The following SRRM4 variants were observed in gnomAD, a reference collection of about 807,000 sequenced individuals.
The protein encoded by SRRM4 is serine/arginine repetitive matrix 4.
SRRM4 carries 33 observed loss-of-function variants against 68.9 expected under a neutral mutation model. The ratio of observed to expected loss-of-function variants is 0.48; its 90% CI spans 0.36 to 0.64. The LOEUF is 0.64. Ranked by LOEUF, SRRM4 falls within the 30% of genes least tolerant of loss-of-function variation. The pLI is 0.00. For synonymous variants in SRRM4, 318 were observed against 318.8 expected, an observed-to-expected ratio of 1.00 and a Z score of 0.03; for missense variants, 817 against 827.1, an observed-to-expected ratio of 0.99 and a Z score of 0.15.
chr12:119,019,935 A>G, intron 1 of SRRM4, among the ~76,000 whole-genome samples: 1 of 136,122 alleles, frequency 7.3e-6, no homozygotes. Flanking sequence ...AAAGCTCTGG[A>G]CAGTTCCCCC....
Position 119,149,241 on chromosome 12 carries a change from G to A in SRRM4, c.1077-1776G>A, listed in dbSNP as rs1047393537. On this transcript the variant is annotated intron_variant, in intron 9 of 12. Transcript: ENST00000267260. The stretch of plus-strand genomic sequence containing the variant: ...TGCGCACCTGCAGTCCCAGCCACTC[G>A]GGAGGCTGAGGCAGGAGAATCGCTT... Among the ~76,000 whole-genome samples the A allele has an allele frequency of 3.3e-5, 5 of 152,304 alleles. No individual in the cohort carries two copies. In the South Asian group the frequency reaches 6.2e-4, roughly 19 times the overall value.
intron 2 of SRRM4, among the ~76,000 whole-genome samples, chr12:119,104,308 T>C (rs1410572718): frequency 1.3e-5 from 2 of 152,076 alleles, no homozygotes; most frequent in African/African-American, 2.4e-5. Context: ...AATGATGCCA[T>C]GTCATACAGC....
At chr12:119,033,878 G>C (rs1384395531) in intron 1 of SRRM4, among the ~76,000 whole-genome samples, 2 of 152,092 alleles carry the variant, frequency 1.3e-5, no homozygotes, top group African/African-American at 2.4e-5. Context: ...GTTCAAAGTT[G>C]GCTACAGTTA....
intron 8 of SRRM4, among the ~76,000 whole-genome samples, chr12:119,141,429 T>G (rs565266134): frequency 1.6e-4 from 24 of 152,116 alleles, no homozygotes; most frequent in African/African-American, 5.8e-4. Flanking sequence ...ATTCTAGAGG[T>G]TCTCTCGAGC....
rs116929137 is a variant in SRRM4 at position 119,002,459 on chromosome 12, C to A, written c.131+20446C>A. On this transcript the variant is annotated intron_variant, in intron 1 of 12. Transcript: ENST00000267260. ...AGTGAGGGTATGGGATGGATTCATTCTCTCCAAATTCTTGAGGATTCTGAG... is the reference window on the plus strand; with the variant it reads ...AGTGAGGGTATGGGATGGATTCATTATCTCCAAATTCTTGAGGATTCTGAG... Among the ~76,000 whole-genome samples, 30 of 152,256 alleles carry A rather than the reference C, an allele frequency of 2.0e-4. No individual in the cohort carries two copies. In the East Asian group the frequency reaches 5.4e-3, roughly 27 times the overall value.
intron 6 of SRRM4, among the ~76,000 whole-genome samples, chr12:119,123,200 C>T (rs4269977): frequency 0.18 from 26,636 of 152,176 alleles, 2,915 homozygotes; most frequent in South Asian, 0.35. Context: ...CTGCCCCAAA[C>T]GGTCTTTTCA....
intron 8 of SRRM4, among the ~76,000 whole-genome samples, chr12:119,144,383 C>T (rs902350005): frequency 6.6e-6 from 1 of 152,170 alleles, no homozygotes; most frequent in African/African-American, 2.4e-5. Context: ...ATGCCCCCAC[C>T]CGTCAAGGGC....
chr12:119,155,339 A>G (rs11064686), intron 12 of SRRM4, among the ~76,000 whole-genome samples: 4,282 of 152,320 alleles, frequency 0.028, 79 homozygotes, highest in Middle Eastern at 0.048. Flanking sequence ...CAGTCCAGAC[A>G]CTGGACTGAG....
intron 1 of SRRM4, among the ~76,000 whole-genome samples, chr12:119,011,400 G>T (rs1953448743): frequency 6.6e-6 from 1 of 152,142 alleles, no homozygotes; most frequent in Non-Finnish European, 1.5e-5. Context: ...CTACCCACTA[G>T]ATGTCATTAG....
At chr12:119,096,187 ATTT>A (rs749042616) in intron 1 of SRRM4, among the ~76,000 whole-genome samples, 10,325 of 134,282 alleles carry the variant, frequency 0.077, 419 homozygotes, top group Admixed American at 0.1. Flanking sequence ...CGCCCAGCTA[ATTT>A]TTTTTTTTTT....
At chr12:119,145,298 T>A in intron 8 of SRRM4, 83 bp from the exon 9 acceptor site, 1 of 1,209,264 alleles carries the variant, frequency 8.3e-7, no homozygotes, top group Non-Finnish European at 1.1e-6. Context: ...CAGTGCATCA[T>A]GACGGTAAAC....
intron 3 of SRRM4, among the ~76,000 whole-genome samples, chr12:119,115,169 T>C (rs75052181): frequency 0.039 from 5,978 of 151,988 alleles, 135 homozygotes; most frequent in African/African-American, 0.055. Context: ...GACGCCAGGT[T>C]CTCAGTTGGT....
chr12:119,053,312 T>C lies in SRRM4; in HGVS notation c.132-48924T>C, dbSNP rs1042884387. 4.1e-4 allele frequency among the ~76,000 whole-genome samples: 63 copies of C among 152,240 alleles called. 3 individuals carry two copies. The highest frequency in any genetic ancestry group is 4.4e-5 in the Non-Finnish European group (3 of 68,040). Reference sequence around the variant, plus strand: ...ATATGAAGTTTCCTTTTTAATTGCATGTATCAAGTTAAAAAGTAAGCCAAT... The same window carrying C: ...ATATGAAGTTTCCTTTTTAATTGCACGTATCAAGTTAAAAAGTAAGCCAAT... On this transcript the variant is annotated intron_variant, in intron 1 of 12. Transcript: ENST00000267260.
rs1565911233 is a variant in SRRM4, at chr12:119,114,469, T to C, written c.365+105T>C. 1.3e-5 allele frequency: 11 copies of C among 843,446 alleles called. No individual in the cohort carries two copies. In the South Asian group the frequency reaches 1.4e-4, roughly 10 times the overall value. 52.2% of individuals were successfully genotyped at this position (843,446 alleles called of 1,614,324 possible). On this transcript the variant is annotated intron_variant, in intron 3 of 12. Coordinates refer to ENST00000267260, the MANE Select transcript of SRRM4 (RefSeq NM_194286.4). ...CCCTCTTGGGTTCAAATCCCCTCTC[T>C]GATGCTTAACTAGCTGTGTGACCTT...
At chr12:119,038,007 A>G (rs192742786) in intron 1 of SRRM4, among the ~76,000 whole-genome samples, 1 of 152,280 alleles carries the variant, frequency 6.6e-6, no homozygotes, top group East Asian at 1.9e-4. Context: ...ATGCTATTAT[A>G]TCTATTTATT....
At chr12:119,091,737 A>G (rs977751300) in intron 1 of SRRM4, among the ~76,000 whole-genome samples, 1 of 152,076 alleles carries the variant, frequency 6.6e-6, no homozygotes, top group Non-Finnish European at 1.5e-5. Context: ...TCTACTCACT[A>G]TGCACTCCCA....
intron 2 of SRRM4, among the ~76,000 whole-genome samples, chr12:119,113,042 T>C (rs1434634698): frequency 2.0e-5 from 3 of 152,126 alleles, no homozygotes; most frequent in East Asian, 3.8e-4. Flanking sequence ...AGCTCAATAA[T>C]ATAAATAGTC....
chr12:119,139,650 A>T (rs540138731), intron 8 of SRRM4, among the ~76,000 whole-genome samples: 1 of 152,282 alleles, frequency 6.6e-6, no homozygotes, highest in Non-Finnish European at 1.5e-5. Context: ...CTCACTCCAG[A>T]TATACCCGCT....
At chr12:118,983,720 A>G (rs758133313) in intron 1 of SRRM4, among the ~76,000 whole-genome samples, 2 of 152,104 alleles carry the variant, frequency 1.3e-5, no homozygotes, top group Non-Finnish European at 2.9e-5. Context: ...TCAGGAAAGC[A>G]CACCTATTAT....
Sources: gnomAD v4.1 joint callset for allele counts (sites outside exome capture counted in the v4.1 genomes callset) on GRCh38, gnomAD v4.1.1 for gene constraint, MANE v1.5 for transcripts, NCBI Gene and HGNC (gene_info 2026-07-23, HGNC 2026-07-21) for gene names.